The following FOXN3 variants were observed in gnomAD, a reference collection of about 807,000 sequenced individuals.
FOXN3 encodes the protein forkhead box protein N3.
FOXN3 carries 7 observed loss-of-function variants against 38.4 expected under a neutral mutation model. That is an observed-to-expected ratio of 0.18 (90% CI 0.10 to 0.34). The LOEUF (loss-of-function observed/expected upper bound fraction) is 0.34. Ranked by LOEUF, FOXN3 falls within the 10% of genes least tolerant of loss-of-function variation. The pLI, the probability that FOXN3 is intolerant of heterozygous loss-of-function variation, is 1.00. For synonymous variants in FOXN3, 230 were observed against 242.2 expected (o/e 0.95, Z 0.47); for missense variants, 456 against 613.4 (o/e 0.74, Z 2.71).
chr14:89,394,212 CTTTTTTTTTTTT>C (rs35674375), intron 2 of FOXN3, among the ~76,000 whole-genome samples: 1 of 109,618 alleles, frequency 9.1e-6, no homozygotes, highest in African/African-American at 4.1e-5. Context: ...GATCGACGTT[CTTTTTTTTTTTT>C]TTTTTTTTTT....
At chr14:89,268,444 A>G (rs993269556) in intron 4 of FOXN3, among the ~76,000 whole-genome samples, 2 of 152,228 alleles carry the variant, frequency 1.3e-5, no homozygotes, top group African/African-American at 4.8e-5. Flanking sequence ...TAGTTTAACT[A>G]ACACTGTTAA....
intron 3 of FOXN3, among the ~76,000 whole-genome samples, chr14:89,329,590 G>A (rs1888177618): frequency 6.6e-6 from 1 of 152,104 alleles, no homozygotes; most frequent in Middle Eastern, 3.2e-3. Context: ...GGACGCGGTG[G>A]CTCAAGCCTG....
intron 1 of FOXN3, among the ~76,000 whole-genome samples, chr14:89,489,645 T>A (rs907398459): frequency 6.6e-6 from 1 of 152,252 alleles, no homozygotes; most frequent in Non-Finnish European, 1.5e-5. Flanking sequence ...ATTTATCATC[T>A]CTGCAGTAGT....
intron 1 of FOXN3, among the ~76,000 whole-genome samples, chr14:89,426,195 C>T (rs1236876605): frequency 1.4e-5 from 2 of 139,524 alleles, no homozygotes; most frequent in African/African-American, 2.6e-5. Context: ...TGAGTGACCA[C>T]AAAAGCACCA....
At chr14:89,291,982 A>T (rs115944973) in intron 3 of FOXN3, among the ~76,000 whole-genome samples, 3,134 of 152,122 alleles carry the variant, frequency 0.021, 122 homozygotes, top group African/African-American at 0.07. Flanking sequence ...ACTGCTCCCA[A>T]ATGAGAACCC....
intron 3 of FOXN3, among the ~76,000 whole-genome samples, chr14:89,288,023 T>A (rs1453134026): frequency 6.6e-6 from 1 of 150,806 alleles, no homozygotes; most frequent in Non-Finnish European, 1.5e-5. Context: ...ATCACACCAC[T>A]GCACTCCAGC....
intron 1 of FOXN3, among the ~76,000 whole-genome samples, chr14:89,568,500 C>A (rs529075135): frequency 3.5e-4 from 54 of 152,322 alleles, no homozygotes; most frequent in African/African-American, 1.2e-3. Context: ...GCTCTGCCCT[C>A]AGCACGGAAG....
chr14:89,348,657 GT>G lies in FOXN3; in HGVS notation c.680+2014del, dbSNP rs371623862. ...ACCGCATGGGCAGAAGCAGAAACTG[GT>G]TTTTTTTCCCCCCTCAGTCAACTGG... On this transcript the variant is annotated intron_variant, in intron 3 of 5. Transcript: ENST00000557258. Among the ~76,000 whole-genome samples the G allele has an allele frequency of 1.1e-3, 164 of 152,042 alleles. 1 individual carries two copies. Among genetic ancestry groups the G allele is most frequent in the African/African-American group, 3.7e-3 (151 of 41,346 alleles).
intron 4 of FOXN3, among the ~76,000 whole-genome samples, chr14:89,204,094 C>G (rs1888313359): frequency 7.3e-6 from 1 of 137,588 alleles, no homozygotes; most frequent in African/African-American, 2.9e-5. Context: ...CACACACACA[C>G]ACACACACAA....
rs1884811174 is a variant in FOXN3 at position 89,231,617 on chromosome 14, CCAG to C, written c.745+49330_745+49332del. 3.3e-5 allele frequency among the ~76,000 whole-genome samples: 5 copies of C among 152,036 alleles called. No homozygotes were observed. The South Asian group carries it at 6.2e-4, about 19-fold the overall frequency. On this transcript the variant is annotated intron_variant, in intron 4 of 5. Coordinates refer to ENST00000557258, the MANE Select transcript of FOXN3 (RefSeq NM_005197.4). ...CTTCTGTTACAGCGGGATGTGGGCA[CCAG>C]CAGCTATTCAGAAGGTCTCAGCCAG...
At chr14:89,319,689 C>A (rs1243026915) in intron 3 of FOXN3, among the ~76,000 whole-genome samples, 2 of 151,994 alleles carry the variant, frequency 1.3e-5, no homozygotes, top group Non-Finnish European at 2.9e-5. Context: ...AGGAGAGAAC[C>A]CTCAGACTTG....
Position 89,412,121 on chromosome 14 carries a change from A to G in FOXN3, c.356T>C (p.Phe119Ser). 2 of 1,611,708 alleles carry G rather than the reference A, an allele frequency of 1.2e-6. No homozygotes were observed. The highest frequency in any genetic ancestry group is 1.7e-6 in the Non-Finnish European group (2 of 1,178,712). ...QNPNCKPPYSFSCLIFMAIED... is the reference protein window; with the variant it reads ...QNPNCKPPYSSSCLIFMAIED... ...GATGGCCATAAATATGAGGCAGCTG[A>G]AGGAGTAGGGGGGTTTGCAGTTGGG... is the stretch of plus-strand genomic sequence containing the variant. Residue 119 changes from phenylalanine (F) to serine (S), a missense_variant, in exon 2 of 6, where the codon TTC (phenylalanine) becomes TCC (serine). Phe to Ser is a radical substitution (Grantham distance 155). Around this residue, in one of 3 missense-constraint regions of FOXN3, gnomAD observed 386 missense variants for 505.2 expected, o/e 0.76. Coordinates refer to ENST00000557258, the MANE Select transcript of FOXN3 (RefSeq NM_005197.4). The surrounding 1 kb of genome is among the most constrained non-coding windows in gnomAD (Gnocchi z 4.7).
intron 3 of FOXN3, among the ~76,000 whole-genome samples, chr14:89,308,615 A>G (rs537447365): frequency 1.1e-4 from 17 of 152,354 alleles, no homozygotes; most frequent in African/African-American, 3.8e-4. Context: ...GGGAAGAAGC[A>G]GAATCTGGCC....
chr14:89,308,467 C>T (rs999490953), intron 3 of FOXN3, among the ~76,000 whole-genome samples: 1 of 152,188 alleles, frequency 6.6e-6, no homozygotes, highest in Non-Finnish European at 1.5e-5. Context: ...TGAAAATAAT[C>T]CCACTGTCTT....
chr14:89,209,924 T>C (rs147627410), intron 4 of FOXN3, among the ~76,000 whole-genome samples: 1 of 152,220 alleles, frequency 6.6e-6, no homozygotes, highest in Non-Finnish European at 1.5e-5. Flanking sequence ...TGTTAACAGA[T>C]AAGGAGAAAC....
rs1235310012 is a variant in FOXN3, at chr14:89,548,691, G to T, written c.-15+70337C>A. On this transcript the variant is annotated intron_variant, in intron 1 of 6. Coordinates refer to the FOXN3 transcript ENST00000345097. The surrounding 1 kb of genome is among the most constrained non-coding windows in gnomAD (Gnocchi z 4.8). ...TTCTTTTCAATTTATATATATGTAT[G>T]TATGTATGTATATATGCCTATATAT... is the stretch of plus-strand genomic sequence containing the variant. 6.6e-6 allele frequency among the ~76,000 whole-genome samples: 1 copy of T among 152,062 alleles called. No homozygotes were observed. Among genetic ancestry groups the T allele is most frequent in the Non-Finnish European group, 1.5e-5 (1 of 68,028 alleles).
intron 3 of FOXN3, chr14:89,290,211 A>C: frequency 3.6e-6 from 1 of 279,608 alleles, no homozygotes; most frequent in Non-Finnish European, 7.3e-6. Context: ...TCACTGACCA[A>C]CTTGGATCCA....
chr14:89,473,352 T>C (rs1313818310), intron 1 of FOXN3, among the ~76,000 whole-genome samples: 2 of 151,182 alleles, frequency 1.3e-5, no homozygotes, highest in Admixed American at 1.3e-4. Context: ...TAAATTCCAA[T>C]TTCTGATATG....
chr14:89,445,701 T>C (rs2052255), intron 1 of FOXN3, among the ~76,000 whole-genome samples: 95,257 of 151,822 alleles, frequency 0.63, 30,212 homozygotes, highest in Middle Eastern at 0.75. Context: ...TCTCAAAACC[T>C]GGGCTGGAGG....
Sources: allele counts gnomAD v4.1 joint callset (sites outside exome capture counted in the v4.1 genomes callset), GRCh38; gene constraint gnomAD v4.1.1; regional missense constraint gnomAD v4.1.1; non-coding constraint Gnocchi (gnomAD v3.1); transcripts MANE v1.5; gene names NCBI Gene and HGNC (gene_info 2026-07-23, HGNC 2026-07-21).